MED13L: variants seen among roughly 807,000 people sequenced by gnomAD.
The protein encoded by MED13L is mediator of RNA polymerase II transcription subunit 13-like.
Under a neutral mutation model 220.9 loss-of-function variants are expected in MED13L, and 7 were observed. The ratio of observed to expected loss-of-function variants is 0.03; its 90% confidence interval spans 0.02 to 0.06. The LOEUF (loss-of-function observed/expected upper bound fraction) is 0.06, where lower values mean the gene tolerates loss of function less well. MED13L is among the 10% of genes least tolerant of loss of function. The probability of loss-of-function intolerance (pLI) is 1.00; values close to 1 mark genes in which losing one functional copy is unlikely to be tolerated. For missense variants in MED13L, 1,965 were observed against 2,760.5 expected (o/e 0.71, Z 6.46); for synonymous variants, 1,011 against 1,015.2 (o/e 1.00, Z 0.08).
rs921375806 is a variant in MED13L at position 116,138,499 on chromosome 12, C to T, written c.311-26987G>A. Among the ~76,000 whole-genome samples, 4 of 152,186 alleles carry T rather than the reference C, an allele frequency of 2.6e-5. No homozygotes were observed. In the South Asian group the frequency reaches 8.3e-4, roughly 32 times the overall value. On this transcript the variant is annotated intron_variant, in intron 2 of 30. Coordinates refer to ENST00000281928, the MANE Select transcript of MED13L (RefSeq NM_015335.5). Reference sequence around the variant, plus strand: ...GGGAAGCAGCGGCCAAGCTGGAATGCTCACAAAGCTACAGCGTCTTTTTAT... The same window carrying T: ...GGGAAGCAGCGGCCAAGCTGGAATGTTCACAAAGCTACAGCGTCTTTTTAT...
intron 1 of MED13L, chr12:116,276,396 C>T (rs1873835732): frequency 1.3e-5 from 16 of 1,275,386 alleles, no homozygotes; most frequent in Non-Finnish European, 1.6e-5. Flanking sequence ...TTAAAAGACA[C>T]AGGAGGAGAG....
At chr12:116,179,571 G>T (rs1880356517) in intron 2 of MED13L, among the ~76,000 whole-genome samples, 2 of 152,076 alleles carry the variant, frequency 1.3e-5, no homozygotes, top group South Asian at 4.2e-4. Context: ...CTATGATCAT[G>T]CCACTGCACT....
chr12:116,203,926 C>T (rs970092509), intron 2 of MED13L, among the ~76,000 whole-genome samples: 1 of 152,164 alleles, frequency 6.6e-6, no homozygotes, highest in African/African-American at 2.4e-5. Context: ...ACAATAAAAA[C>T]CCATTGCACA....
chr12:115,987,230 C>G lies in MED13L; in HGVS notation c.3993G>C (p.Gln1331His). 6.2e-7 allele frequency: 1 copy of G among 1,613,952 alleles called. No homozygotes were observed. The highest frequency in any genetic ancestry group is 8.5e-7 in the Non-Finnish European group (1 of 1,180,002). ...TTTGGATGGCATCTTGGAGAAAGGG[C>G]TGCAGGGACAACAGCATACGAACCA... The part of the protein sequence containing the change: ...QDVVRMLLSL[Q>H]PFLQDAIQKK... Residue 1331 changes from glutamine (Q) to histidine (H), a missense_variant, in exon 18 of 31, where the codon CAG (glutamine) becomes CAC (histidine). Physicochemically the swap from Gln to His is conservative, Grantham distance 24. This residue lies in a region of MED13L where 21 missense variants were observed against 73.9 expected (regional missense o/e 0.28). Transcript: ENST00000281928.
chr12:116,217,045 T>C (rs1042216469), intron 2 of MED13L, among the ~76,000 whole-genome samples: 1 of 152,248 alleles, frequency 6.6e-6, no homozygotes, highest in Admixed American at 6.5e-5. Context: ...TTTAATGCTT[T>C]GGTGATAATT....
chr12:116,117,018 A>C (rs1263294174), intron 2 of MED13L, among the ~76,000 whole-genome samples: 1 of 151,876 alleles, frequency 6.6e-6, no homozygotes, highest in Admixed American at 6.6e-5. Context: ...TGTATATAGT[A>C]GTTGTATTTG....
At chr12:116,218,077 C>T (rs189853821) in intron 2 of MED13L, among the ~76,000 whole-genome samples, 125 of 152,250 alleles carry the variant, frequency 8.2e-4, no homozygotes, top group Non-Finnish European at 1.5e-3. Flanking sequence ...GATTCGATAA[C>T]ATAAAGAGAT....
intron 2 of MED13L, among the ~76,000 whole-genome samples, chr12:116,146,003 A>C (rs891765725): frequency 1.3e-5 from 2 of 152,248 alleles, no homozygotes; most frequent in African/African-American, 2.4e-5. Flanking sequence ...AACAGACTTT[A>C]AATCAAGCTT....
Position 116,058,232 on chromosome 12 carries a change from A to G in MED13L, c.480-35631T>C, listed in dbSNP as rs17426420. 8.0e-3 allele frequency among the ~76,000 whole-genome samples: 1,216 copies of G among 152,302 alleles called. 13 individuals are homozygous for G. Among genetic ancestry groups the G allele is most frequent in the Non-Finnish European group, 0.011 (723 of 68,010 alleles). ...AATGAAATGCATCAGACTGAAAATC[A>G]GGATAAGGTTTGCCATTCCTTTTAA... On this transcript the variant is annotated intron_variant, in intron 4 of 30. Coordinates refer to ENST00000281928, the MANE Select transcript of MED13L (RefSeq NM_015335.5).
intron 2 of MED13L, among the ~76,000 whole-genome samples, chr12:116,160,970 C>T (rs921563651): frequency 3.3e-5 from 5 of 152,062 alleles, no homozygotes; most frequent in South Asian, 2.1e-4. Context: ...ATCTGAGACT[C>T]GGTAATTTAT....
chr12:116,088,762 C>A (rs1871939830), intron 4 of MED13L, among the ~76,000 whole-genome samples: 1 of 147,376 alleles, frequency 6.8e-6, no homozygotes. Context: ...GAGGGGAGAC[C>A]AAAATTCAGC....
intron 2 of MED13L, among the ~76,000 whole-genome samples, chr12:116,126,603 A>G (rs1212149258): frequency 6.6e-6 from 1 of 152,230 alleles, no homozygotes; most frequent in Non-Finnish European, 1.5e-5. Context: ...AAATAAATAC[A>G]AAGAGTTTGC....
At chr12:116,154,879 G>A (rs1212910985) in intron 2 of MED13L, among the ~76,000 whole-genome samples, 1 of 152,108 alleles carries the variant, frequency 6.6e-6, no homozygotes, top group Non-Finnish European at 1.5e-5. Context: ...AGGCTGGAAT[G>A]CAGCTGGCAC....
At chr12:115,962,952 C>T (rs996390170) in intron 30 of MED13L, among the ~76,000 whole-genome samples, 3 of 152,166 alleles carry the variant, frequency 2.0e-5, no homozygotes, top group African/African-American at 7.2e-5. Flanking sequence ...ACCCAGGAGG[C>T]GGAGTTTGCA....
At chr12:116,019,102 G>C in intron 7 of MED13L, 122 bp downstream of exon 7, 1 of 936,126 alleles carries the variant, frequency 1.1e-6, no homozygotes, top group Admixed American at 2.9e-5. Flanking sequence ...ATATCCTTAC[G>C]TTACTCTACT....
intron 2 of MED13L, among the ~76,000 whole-genome samples, chr12:116,136,045 G>A (rs1876522573): frequency 6.6e-6 from 1 of 152,096 alleles, no homozygotes; most frequent in Admixed American, 6.5e-5. Flanking sequence ...TGGGATTACA[G>A]GCACCCGCCA....
In MED13L at chr12:116,204,386, G is replaced by A. The variant is rs1320478813; in HGVS notation, c.310+33082C>T. On this transcript the variant is annotated intron_variant, in intron 2 of 30. Coordinates refer to ENST00000281928, the MANE Select transcript of MED13L (RefSeq NM_015335.5). ...GCTATCAGCTAGGAGTAGCTACTAC[G>A]CAGGAAGAACTTGTAAGAACTTTCC... Among the ~76,000 whole-genome samples the A allele has an allele frequency of 3.3e-5, 5 of 152,182 alleles. No individual in the cohort carries two copies. In the South Asian group the frequency reaches 6.2e-4, roughly 19 times the overall value.
rs143739741 is a variant in MED13L, at chr12:115,975,238, T to C, written c.5664A>G (p.Gln1888=). Residue 1888 remains glutamine (Q), a synonymous_variant, in exon 25 of 31, where the codon CAA becomes CAG. Coordinates refer to ENST00000281928, the MANE Select transcript of MED13L (RefSeq NM_015335.5). ...CAACTCTCCAGGGTAGAGATGTCAT[T>C]TGGACAATCCCTATGCACCACTCCC... The part of the protein sequence containing the change: ...KLWEWCIGIV[Q]MTSLPWRVVI... 355 of 1,614,070 alleles carry C rather than the reference T, an allele frequency of 2.2e-4. No individual in the cohort carries two copies. Among genetic ancestry groups the C allele is most frequent in the Non-Finnish European group, 2.0e-4 (236 of 1,180,042 alleles).
intron 2 of MED13L, among the ~76,000 whole-genome samples, chr12:116,167,769 T>C (rs956003452): frequency 1.3e-5 from 2 of 152,204 alleles, no homozygotes; most frequent in African/African-American, 4.8e-5. Context: ...CTTGACTTTT[T>C]CATTATTGCT....
Sources: allele counts gnomAD v4.1 joint callset (sites outside exome capture counted in the v4.1 genomes callset), GRCh38; gene constraint gnomAD v4.1.1; regional missense constraint gnomAD v4.1.1; transcripts MANE v1.5; gene names NCBI Gene and HGNC (gene_info 2026-07-23, HGNC 2026-07-21).